Variants in GPR179 observed in about 807,000 individuals in gnomAD.
The protein encoded by GPR179 is G protein-coupled receptor 179, also known as probable G protein-coupled receptor 179.
Under a neutral mutation model 70.8 loss-of-function variants are expected in GPR179, and 52 were observed. That is an observed-to-expected ratio of 0.73 (90% CI 0.59 to 0.93). The LOEUF (loss-of-function observed/expected upper bound fraction) is 0.93. Ranked by LOEUF, GPR179 falls within the 40% of genes least tolerant of loss-of-function variation. The probability of loss-of-function intolerance (pLI) is 0.00; values close to 1 mark genes in which losing one functional copy is unlikely to be tolerated. For missense variants in GPR179, 2,734 were observed against 2,966.8 expected (o/e 0.92, Z 1.82); for synonymous variants, 1,123 against 1,169.0 (o/e 0.96, Z 0.80).
Position 38,343,290 on chromosome 17 carries a change from G to A in GPR179, c.500C>T (p.Thr167Ile). The A allele has an allele frequency of 6.2e-7, 1 of 1,614,152 alleles. No individual in the cohort carries two copies. Among genetic ancestry groups the A allele is most frequent in the Non-Finnish European group, 8.5e-7 (1 of 1,180,020 alleles). The change falls in exon 1 of 11, where the codon ACC (threonine) becomes ATC (isoleucine). Residue 167 changes from threonine (T) to isoleucine (I), a missense_variant. By Grantham distance (89) the Thr-to-Ile change is moderately conservative. Transcript: ENST00000616987. This position sits in a 1 kb window ranked among gnomAD's most constrained non-coding sequence, Gnocchi z 4.2. ...CAGGATGGTTTCCTCCCCAGTCCGG[G>A]TGGCCTGCAGGGCCAGCTGTAGGTG... is the stretch of plus-strand genomic sequence containing the variant. Reference protein sequence around the residue: ...ASHLQLALQATRTGEETILQD... With the variant: ...ASHLQLALQAIRTGEETILQD...
rs1245093177 is a variant in GPR179, at chr17:38,328,087, C to T, written c.5482G>A (p.Gly1828Arg). 9 of 1,614,040 alleles carry T rather than the reference C, an allele frequency of 5.6e-6. No individual in the cohort carries two copies. The highest frequency in any genetic ancestry group is 5.5e-5 in the South Asian group (5 of 91,090). ...CCTGCCTTTTGGTCCAATCCCTTCC[C>T]AGTAGTTCCTTCACTTACCTCCCAG... ...CPWEVSEGTTGKGLDQKAGSE... is the reference protein window; with the variant it reads ...CPWEVSEGTTRKGLDQKAGSE... Residue 1828 changes from glycine (G) to arginine (R), a missense_variant, in exon 11 of 11, where the codon GGG (glycine) becomes AGG (arginine). Transcript: ENST00000616987.
At chr17:38,335,456 G>T in intron 6 of GPR179, 135 bp downstream of exon 6, 1 of 772,374 alleles carries the variant, frequency 1.3e-6, no homozygotes. Context: ...ACAAGGCTAT[G>T]GTGATGGGGG....
chr17:38,334,773 T>C lies in GPR179; in HGVS notation c.1715A>G (p.His572Arg). 1.2e-6 allele frequency: 2 copies of C among 1,613,656 alleles called. No homozygotes were observed. Among genetic ancestry groups the C allele is most frequent in the Non-Finnish European group, 1.7e-6 (2 of 1,179,974 alleles). The change falls in exon 8 of 11, where the codon CAT becomes CGT. Residue 572 changes from histidine (H) to arginine (R), a missense_variant. By Grantham distance (29) the His-to-Arg change is conservative. Coordinates refer to ENST00000616987, the MANE Select transcript of GPR179 (RefSeq NM_001004334.4). The surrounding 1 kb of genome is among the most constrained non-coding windows in gnomAD (Gnocchi z 4.7). ...YATRAVLSAF[H>R]EPRYMGIALH... is the part of the protein sequence containing the mutation. ...GGCGATGCCCATGTAGCGTGGCTCA[T>C]GGAAGGCCGAGAGCACAGCCCGTGT... is the stretch of plus-strand genomic sequence containing the variant.
In GPR179 at chr17:38,343,717, C is replaced by A; in HGVS notation, c.73G>T (p.Ala25Ser). ...LLGCCFVCAWALGGPRPIRSL... is the reference protein window; with the variant it reads ...LLGCCFVCAWSLGGPRPIRSL... ...CGGATGGGCCGTGGACCCCCCAGAG[C>A]CCAGGCACAGACAAAACAGCAGCCC... Residue 25 changes from alanine to serine, a missense_variant, in exon 1 of 11, where the codon GCT (alanine) becomes TCT (serine). Ala to Ser is a moderately conservative substitution (Grantham distance 99, BLOSUM62 1). Coordinates refer to ENST00000616987, the MANE Select transcript of GPR179 (RefSeq NM_001004334.4). This position sits in a 1 kb window ranked among gnomAD's most constrained non-coding sequence, Gnocchi z 4.2. 6.3e-7 allele frequency: 1 copy of A among 1,580,768 alleles called. No homozygotes were observed. Among genetic ancestry groups the A allele is most frequent in the Non-Finnish European group, 8.6e-7 (1 of 1,161,956 alleles).
chr17:38,327,251 A>T lies in GPR179; in HGVS notation c.6318T>A (p.Ser2106Arg). Residue 2106 changes from serine (S) to arginine (R), a missense_variant, in exon 11 of 11, where the codon AGT (serine) becomes AGA (arginine). Ser to Arg is a moderately radical substitution (Grantham distance 110). Coordinates refer to ENST00000616987, the MANE Select transcript of GPR179 (RefSeq NM_001004334.4). ...ACACTTCCGCTACCCTGGTCTCCAC[A>T]CTGCCTGCTGCCTCAGAACTGCCTC... ...RSRGSSEAAG[S>R]VETRVAEVCL... The T allele has an allele frequency of 6.2e-7, 1 of 1,614,094 alleles. No homozygotes were observed. Among genetic ancestry groups the T allele is most frequent in the Non-Finnish European group, 8.5e-7 (1 of 1,180,016 alleles).
rs769384383 is a variant in GPR179 at position 38,335,622 on chromosome 17, C to T, written c.1375G>A (p.Val459Ile). 44 of 1,613,790 alleles carry T rather than the reference C, an allele frequency of 2.7e-5. No individual in the cohort carries two copies. Among genetic ancestry groups the T allele is most frequent in the Middle Eastern group, 1.6e-4 (1 of 6,080 alleles). The part of the protein sequence containing the change: ...RWVRLLGFAI[V>I]YGTIILKLYR... ...AGCTTGAGTATGATGGTGCCGTAGA[C>T]GATGGCAAAACCCAGCAGCCGCACC... Residue 459 changes from valine (V) to isoleucine (I), a missense_variant, in exon 6 of 11, where the codon GTC becomes ATC. Val to Ile is a conservative substitution (Grantham distance 29, BLOSUM62 3). Coordinates refer to ENST00000616987, the MANE Select transcript of GPR179 (RefSeq NM_001004334.4).
In GPR179 at chr17:38,327,835, C is replaced by G. The variant is rs947516168; in HGVS notation, c.5734G>C (p.Glu1912Gln). 21 of 1,614,230 alleles carry G rather than the reference C, an allele frequency of 1.3e-5. No homozygotes were observed. Among genetic ancestry groups the G allele is most frequent in the Non-Finnish European group, 1.7e-5 (20 of 1,180,054 alleles). ...VAEGHSLEATEKGDLRQDPKT... is the reference protein window; with the variant it reads ...VAEGHSLEATQKGDLRQDPKT... Reference sequence around the variant, plus strand: ...GGGTCTTGTCTCAGGTCCCCCTTCTCTGTTGCTTCCAAGGAATGTCCCTCT... The same window carrying G: ...GGGTCTTGTCTCAGGTCCCCCTTCTGTGTTGCTTCCAAGGAATGTCCCTCT... Residue 1912 changes from glutamate (E) to glutamine (Q), a missense_variant, in exon 11 of 11, where the codon GAG becomes CAG. Coordinates refer to ENST00000616987, the MANE Select transcript of GPR179 (RefSeq NM_001004334.4).
At chr17:38,339,781 G>C (rs2037434943) in intron 1 of GPR179, among the ~76,000 whole-genome samples, 1 of 152,108 alleles carries the variant, frequency 6.6e-6, no homozygotes, top group South Asian at 2.1e-4. Flanking sequence ...CCCAAGGCAG[G>C]TCATAGAAAC....
Position 38,330,922 on chromosome 17 carries a change from C to T in GPR179, c.2647G>A (p.Val883Met). The T allele has an allele frequency of 6.2e-7, 1 of 1,608,182 alleles. No homozygotes were observed. Among genetic ancestry groups the T allele is most frequent in the Non-Finnish European group, 8.5e-7 (1 of 1,177,810 alleles). Residue 883 changes from valine (V) to methionine (M), a missense_variant, in exon 11 of 11, where the codon GTG becomes ATG. Physicochemically the swap from Val to Met is conservative, Grantham distance 21. Coordinates refer to ENST00000616987, the MANE Select transcript of GPR179 (RefSeq NM_001004334.4). ...AGCCTCCTGGCTGATGGCCTCCGCA[C>T]CAGGCTGGCCATGGCTGCCTTGGCC... ...KKAKAAMASL[V>M]RRPSARRLER...
chr17:38,330,714 C>T lies in GPR179; in HGVS notation c.2855G>A (p.Arg952Lys), dbSNP rs773957696. Residue 952 changes from arginine (R) to lysine (K), a missense_variant, in exon 11 of 11, where the codon AGG (arginine) becomes AAG (lysine). Coordinates refer to ENST00000616987, the MANE Select transcript of GPR179 (RefSeq NM_001004334.4). ...LALSGGLGEP[R>K]MLSPTSTLAP... The stretch of plus-strand genomic sequence containing the variant: ...CAAGGTGGAGGTGGGAGATAGCATC[C>T]TTGGCTCTCCCAGGCCCCCAGACAG... 6.9e-6 allele frequency: 11 copies of T among 1,593,120 alleles called. No homozygotes were observed. Among genetic ancestry groups the T allele is most frequent in the Admixed American group, 1.7e-5 (1 of 58,384 alleles).
In GPR179 at chr17:38,330,119, C is replaced by G; in HGVS notation, c.3450G>C (p.Lys1150Asn). The G allele has an allele frequency of 6.2e-7, 1 of 1,609,182 alleles. No individual in the cohort carries two copies. The highest frequency in any genetic ancestry group is 8.5e-7 in the Non-Finnish European group (1 of 1,177,150). The change falls in exon 11 of 11, where the codon AAG becomes AAC. Residue 1150 changes from lysine (K) to asparagine (N), a missense_variant. By Grantham distance (94) the Lys-to-Asn change is moderately conservative. Coordinates refer to ENST00000616987, the MANE Select transcript of GPR179 (RefSeq NM_001004334.4). ...CGTTCTGTTGGTTCTGGAGGGACTCCTTGTCATCGGAGGGGATAAGAGCGG... is the reference window on the plus strand; with the variant it reads ...CGTTCTGTTGGTTCTGGAGGGACTCGTTGTCATCGGAGGGGATAAGAGCGG... ...KQAALIPSDD[K>N]ESLQNQQNAH...
At position 38,339,529 on chromosome 17, in the gene GPR179, C is replaced by G; in HGVS notation, c.795-4G>C. The G allele has an allele frequency of 6.2e-7, 1 of 1,609,662 alleles. No homozygotes were observed. Among genetic ancestry groups the G allele is most frequent in the South Asian group, 1.1e-5 (1 of 90,984 alleles). The stretch of plus-strand genomic sequence containing the variant: ...TACGTCCATCTGCACCTGCCCCCTA[C>G]GGCAGTGAATTGGCAATTAGGGGCA... On this transcript the variant is annotated splice_region_variant and splice_polypyrimidine_tract_variant and intron_variant, in intron 1 of 10. Transcript: ENST00000616987.
In GPR179 at chr17:38,327,609, A is replaced by G. The variant is rs2144255500; in HGVS notation, c.5960T>C (p.Leu1987Pro). ...PDQPKASSQR[L>P]VSTGGRAADV... is the part of the protein sequence containing the mutation. ...AGCGGCCCTGCCCCCAGTGCTGACC[A>G]GTCTCTGGGAGCTAGCTTTAGGTTG... Residue 1987 changes from leucine (L) to proline (P), a missense_variant, in exon 11 of 11, where the codon CTG becomes CCG. By Grantham distance (98) the Leu-to-Pro change is moderately conservative. Transcript: ENST00000616987. 2 of 1,614,188 alleles carry G rather than the reference A, an allele frequency of 1.2e-6. No homozygotes were observed. Among genetic ancestry groups the G allele is most frequent in the Admixed American group, 1.7e-5 (1 of 60,030 alleles).
Position 38,333,996 on chromosome 17 carries a change from G to A in GPR179, c.1827C>T (p.Leu609=). ...VPSLHPDWTL[L]LFFFHTHSTV... Reference sequence around the variant, plus strand: ...TGCTGTGGGTGTGGAAGAAGAAGAGGAGGAGGGTCCAGTCCGGGTGCAGAG... The same window carrying A: ...TGCTGTGGGTGTGGAAGAAGAAGAGAAGGAGGGTCCAGTCCGGGTGCAGAG... Residue 609 remains leucine, a synonymous_variant, in exon 9 of 11, where the codon CTC becomes CTT. Coordinates refer to ENST00000616987, the MANE Select transcript of GPR179 (RefSeq NM_001004334.4). The A allele has an allele frequency of 6.2e-7, 1 of 1,614,010 alleles. No individual in the cohort carries two copies. The highest frequency in any genetic ancestry group is 8.5e-7 in the Non-Finnish European group (1 of 1,179,968).
Position 38,337,203 on chromosome 17 carries a change from C to G in GPR179, c.1002G>C (p.Glu334Asp). Residue 334 changes from glutamate (E) to aspartate (D), a missense_variant, in exon 4 of 11, where the codon GAG becomes GAC. Glu to Asp is a conservative substitution (Grantham distance 45). Coordinates refer to ENST00000616987, the MANE Select transcript of GPR179 (RefSeq NM_001004334.4). The stretch of plus-strand genomic sequence containing the variant: ...ATTGCCCGGTAGTCTGGAAGTCACT[C>G]TCCTCTAACCCTATAAAGAACAAGA... The part of the protein sequence containing the change: ...YGASPSGGLE[E>D]SDFQTTGQFG... The G allele has an allele frequency of 1.9e-6, 3 of 1,610,944 alleles. No individual in the cohort carries two copies. The highest frequency in any genetic ancestry group is 2.5e-6 in the Non-Finnish European group (3 of 1,178,988).
In GPR179 at chr17:38,328,954, C is replaced by T. The variant is rs1370373450; in HGVS notation, c.4615G>A (p.Glu1539Lys). The change falls in exon 11 of 11, where the codon GAG (glutamate) becomes AAG (lysine). Residue 1539 changes from glutamate (E) to lysine (K), a missense_variant. Physicochemically the swap from Glu to Lys is moderately conservative, Grantham distance 56 (BLOSUM62 1). Coordinates refer to ENST00000616987, the MANE Select transcript of GPR179 (RefSeq NM_001004334.4). Reference sequence around the variant, plus strand: ...CTGGAGTGCCCAGGGACCGTGCTCTCCCTGGGACAAACTGACTCCTGCTGT... The same window carrying T: ...CTGGAGTGCCCAGGGACCGTGCTCTTCCTGGGACAAACTGACTCCTGCTGT... ...SQQQESVCPRESTVPGHSSPC... is the reference protein window; with the variant it reads ...SQQQESVCPRKSTVPGHSSPC... 4 of 1,614,020 alleles carry T rather than the reference C, an allele frequency of 2.5e-6. No homozygotes were observed. The African/African-American group carries it at 5.3e-5, about 22-fold the overall frequency.
Position 38,328,300 on chromosome 17 carries a change from C to T in GPR179, c.5269G>A (p.Glu1757Lys), listed in dbSNP as rs777417674. 2 of 1,614,060 alleles carry T rather than the reference C, an allele frequency of 1.2e-6. No homozygotes were observed. Among genetic ancestry groups the T allele is most frequent in the Admixed American group, 1.7e-5 (1 of 60,022 alleles). The change falls in exon 11 of 11, where the codon GAG becomes AAG. Residue 1757 changes from glutamate (E) to lysine (K), a missense_variant. Physicochemically the swap from Glu to Lys is moderately conservative, Grantham distance 56 (BLOSUM62 1). Transcript: ENST00000616987. Reference protein sequence around the residue: ...APEKPQKPTPEWEVACPWGSV... With the variant: ...APEKPQKPTPKWEVACPWGSV... ...CCCCAGGGACAAGCCACCTCCCACT[C>T]TGGGGTTGGCTTCTGTGGCTTCTCT...
rs1227265967 is a variant in GPR179, at chr17:38,343,661, C to T, written c.129G>A (p.Lys43=). The T allele has an allele frequency of 1.9e-6, 3 of 1,612,332 alleles. No homozygotes were observed. Among genetic ancestry groups the T allele is most frequent in the Non-Finnish European group, 2.5e-6 (3 of 1,178,870 alleles). ...GCACCTGCATGGGTACAGATCCTGG[C>T]TTGACTTGGGAAGACAGAGGGGGCA... The part of the protein sequence containing the change: ...RSLPPLSSQV[K]PGSVPMQVPL... Residue 43 remains lysine, a synonymous_variant, in exon 1 of 11, where the codon AAG becomes AAA. Coordinates refer to ENST00000616987, the MANE Select transcript of GPR179 (RefSeq NM_001004334.4). This position sits in a 1 kb window ranked among gnomAD's most constrained non-coding sequence, Gnocchi z 4.2.
Position 38,325,255 on chromosome 17 carries a change from AAG to A in GPR179, c.*1208_*1209del, listed in dbSNP as rs560420617. Among the ~76,000 whole-genome samples, 35 of 152,304 alleles carry A rather than the reference AAG, an allele frequency of 2.3e-4. No homozygotes were observed. The South Asian group carries it at 5.6e-3, about 24-fold the overall frequency. On this transcript the variant is annotated 3_prime_UTR_variant, in exon 11 of 11. Coordinates refer to ENST00000616987, the MANE Select transcript of GPR179 (RefSeq NM_001004334.4). ...AACTGACGAGAGAAGGGAGCCAAGA[AAG>A]AGAGAGCTCCCTAAGAAAGAAGGCT...
Sources: allele counts gnomAD v4.1 joint callset (sites outside exome capture counted in the v4.1 genomes callset), GRCh38; gene constraint gnomAD v4.1.1; non-coding constraint Gnocchi (gnomAD v3.1); transcripts MANE v1.5; gene names NCBI Gene and HGNC (gene_info 2026-07-23, HGNC 2026-07-21).